Variants in ZNF81 observed in about 807,000 individuals in gnomAD.
ZNF81 encodes the protein zinc finger protein 81 (HFZ20).
A neutral mutation model predicts 32.3 loss-of-function variants in ZNF81; 5 were observed. The observed-to-expected ratio is 0.15, with a 90% CI of 0.08 to 0.33. The LOEUF (loss-of-function observed/expected upper bound fraction) is 0.33. Ranked by LOEUF, ZNF81 falls within the 10% of genes least tolerant of loss-of-function variation. The pLI is 1.00. For missense variants in ZNF81, 379 were observed against 479.8 expected (o/e 0.79, Z 1.96); for synonymous variants, 163 against 166.8 (o/e 0.98, Z 0.17).
rs1368676389 is a variant in ZNF81 at position 47,923,271 on chromosome X, A to C, written c.*6639A>C. Among the ~76,000 whole-genome samples, 2 of 111,401 alleles carry C rather than the reference A, an allele frequency of 1.8e-5. No homozygotes were observed. The highest frequency in any genetic ancestry group is 6.5e-5 in the African/African-American group (2 of 30,570). On this transcript the variant is annotated 3_prime_UTR_variant, in exon 5 of 5. Coordinates refer to ENST00000338637, the MANE Select transcript of ZNF81 (RefSeq NM_007137.5). ...CCCCCTACAACTCTCTGTGCTTGGG[A>C]CACTGAGGTGGGATTTGAGAGCTTG...
rs782727096 is a variant in ZNF81 at position 47,916,344 on chromosome X, G to T, written c.1698G>T (p.Lys566Asn). 3.3e-6 allele frequency: 4 copies of T among 1,211,605 alleles called. No homozygotes were observed. In the South Asian group the frequency reaches 7.0e-5, roughly 21 times the overall value. ...ATTGTGGGAGGGCCTTCATCCAGAA[G>T]TCAGAGTTGATTACACATCAGAGAA... ...CADCGRAFIQ[K>N]SELITHQRIH... The change falls in exon 5 of 5, where the codon AAG (lysine) becomes AAT (asparagine). Residue 566 changes from lysine (K) to asparagine (N), a missense_variant. This residue lies in a region of ZNF81 where 102 missense variants were observed against 173.2 expected (regional missense o/e 0.59). Coordinates refer to ENST00000338637, the MANE Select transcript of ZNF81 (RefSeq NM_007137.5).
intron 2 of ZNF81, among the ~76,000 whole-genome samples, chrX:47,871,099 C>T (rs2058578400): frequency 8.9e-6 from 1 of 111,773 alleles, no homozygotes; most frequent in South Asian, 3.7e-4. Context: ...GTTTTTACAG[C>T]CCTATCAGCA....
intron 2 of ZNF81, among the ~76,000 whole-genome samples, chrX:47,875,455 C>T (rs1437562041): frequency 8.9e-6 from 1 of 112,325 alleles, no homozygotes; most frequent in African/African-American, 3.2e-5. Context: ...GAAAGCCCTG[C>T]AGGCTTTCCC....
intron 2 of ZNF81, among the ~76,000 whole-genome samples, chrX:47,851,865 G>A (rs1485723534): frequency 4.5e-5 from 5 of 112,027 alleles, no homozygotes; most frequent in African/African-American, 1.6e-4. Flanking sequence ...TGCTATTGTT[G>A]TAAAGCCTTA....
Position 47,921,837 on chromosome X carries a change from G to T in ZNF81, c.*5205G>T, listed in dbSNP as rs903029872. On this transcript the variant is annotated 3_prime_UTR_variant, in exon 5 of 5. Coordinates refer to ENST00000338637, the MANE Select transcript of ZNF81 (RefSeq NM_007137.5). ...AGGACCACAGCCAAATAGCTTGACT[G>T]TAAGCCAGATAGCTTGACTCATGAG... is the stretch of plus-strand genomic sequence containing the variant. 4 of 111,481 alleles carry T rather than the reference G, an allele frequency of 3.6e-5. 1 individual carries two copies. In the Admixed American group the frequency reaches 3.8e-4, roughly 11 times the overall value. 9.2% of individuals were successfully genotyped at this position (111,481 alleles called of 1,213,427 possible). A position where few individuals can be genotyped will look rare whatever the true frequency, so the allele number is the denominator to read the frequency against.
chrX:47,883,624 T>C (rs191164347), intron 2 of ZNF81, among the ~76,000 whole-genome samples: 113 of 112,601 alleles, frequency 1.0e-3, no homozygotes, highest in African/African-American at 3.6e-3. Context: ...GTAATTCCTT[T>C]CTTTTACTTC....
chrX:47,922,133 A>G lies in ZNF81; in HGVS notation c.*5501A>G, dbSNP rs2058779112. On this transcript the variant is annotated 3_prime_UTR_variant, in exon 5 of 5. Transcript: ENST00000338637. ...AACCCAGCAAAAAGCTAACTGATAC[A>G]TTGATTATTTATTGCATTTCTTCCT... 8.9e-6 allele frequency: 1 copy of G among 111,995 alleles called. No individual in the cohort carries two copies. The highest frequency in any genetic ancestry group is 9.4e-5 in the Admixed American group (1 of 10,600). The allele number at this position is 111,995 out of a possible 1,213,427, so 9.2% of individuals were successfully genotyped here.
chrX:47,872,342 T>C (rs2058583512), intron 2 of ZNF81, among the ~76,000 whole-genome samples: 1 of 111,959 alleles, frequency 8.9e-6, no homozygotes, highest in African/African-American at 3.2e-5. Context: ...TTCTTCAGTT[T>C]TAGAGGCTAC....
At position 47,921,237 on chromosome X, in the gene ZNF81, G is replaced by A. The variant is rs1556891865; in HGVS notation, c.*4605G>A. 1 of 110,565 alleles carries A rather than the reference G, an allele frequency of 9.0e-6. No homozygotes were observed. The highest frequency in any genetic ancestry group is 1.9e-5 in the Non-Finnish European group (1 of 52,975). 9.1% of individuals were successfully genotyped at this position (110,565 alleles called of 1,213,427 possible). On this transcript the variant is annotated 3_prime_UTR_variant, in exon 5 of 5. Transcript: ENST00000338637. ...GCTTGGCTATTTTGTTGGCCAATGG[G>A]ACATTAACAAGTATGATACAAGCAG...
chrX:47,854,802 G>C (rs142335964), intron 2 of ZNF81, among the ~76,000 whole-genome samples: 288 of 111,828 alleles, frequency 2.6e-3, no homozygotes, highest in African/African-American at 8.8e-3. Flanking sequence ...TACCATAACA[G>C]ATATAATAAT....
chrX:47,885,154 G>A (rs781913679), intron 2 of ZNF81, among the ~76,000 whole-genome samples: 3 of 112,159 alleles, frequency 2.7e-5, no homozygotes, highest in Non-Finnish European at 3.8e-5. Context: ...GTGGTCACTT[G>A]AATCACCATT....
intron 3 of ZNF81, among the ~76,000 whole-genome samples, chrX:47,888,361 C>T (rs146837533): frequency 0.02 from 2,253 of 110,644 alleles, 25 homozygotes; most frequent in Non-Finnish European, 0.032. Context: ...TATACACATA[C>T]GCACGCACAC....
intron 1 of ZNF81, among the ~76,000 whole-genome samples, chrX:47,839,883 AG>A (rs2058439688): frequency 9.1e-6 from 1 of 109,939 alleles, no homozygotes; most frequent in Non-Finnish European, 1.9e-5. Flanking sequence ...CTTGGAATGC[AG>A]CCCAACACAA....
chrX:47,920,509 A>T lies in ZNF81; in HGVS notation c.*3877A>T, dbSNP rs1436674224. 1 of 110,065 alleles carries T rather than the reference A, an allele frequency of 9.1e-6. No individual in the cohort carries two copies. Among genetic ancestry groups the T allele is most frequent in the Non-Finnish European group, 1.9e-5 (1 of 52,710 alleles). 9.1% of individuals were successfully genotyped at this position (110,065 alleles called of 1,213,427 possible). On this transcript the variant is annotated 3_prime_UTR_variant, in exon 5 of 5. Coordinates refer to ENST00000338637, the MANE Select transcript of ZNF81 (RefSeq NM_007137.5). ...GCCCAGGATGATTTCCTGCCCTTTTATCATGGGTGGAATTTTTTTTTCCAT... is the reference window on the plus strand; with the variant it reads ...GCCCAGGATGATTTCCTGCCCTTTTTTCATGGGTGGAATTTTTTTTTCCAT...
chrX:47,891,193 A>G (rs1301214647), intron 3 of ZNF81, among the ~76,000 whole-genome samples: 3 of 112,905 alleles, frequency 2.7e-5, no homozygotes, highest in Admixed American at 9.3e-5. Flanking sequence ...ACTAACAAGT[A>G]TCACAAAAAA....
At chrX:47,913,921 C>T (rs930081570) in intron 4 of ZNF81, among the ~76,000 whole-genome samples, 1 of 111,444 alleles carries the variant, frequency 9.0e-6, no homozygotes, top group Non-Finnish European at 1.9e-5. Flanking sequence ...AGGGTTCTCA[C>T]TCTTAAACAC....
In ZNF81 at chrX:47,915,635, A is replaced by G. The variant is rs1165504400; in HGVS notation, c.989A>G (p.Tyr330Cys). 1.7e-6 allele frequency: 2 copies of G among 1,210,414 alleles called. No individual in the cohort carries two copies. The highest frequency in any genetic ancestry group is 2.2e-6 in the Non-Finnish European group (2 of 894,637). Residue 330 changes from tyrosine (Y) to cysteine (C), a missense_variant, in exon 5 of 5, where the codon TAC becomes TGC. Tyr to Cys is a radical substitution (Grantham distance 194). Coordinates refer to ENST00000338637, the MANE Select transcript of ZNF81 (RefSeq NM_007137.5). ...YLRVHRDEKL[Y>C]ICTKCGKAFI... ...AGAGTTCATAGAGATGAAAAACTCT[A>G]CATATGTACTAAATGTGGGAAGGCC...
chrX:47,873,028 C>G (rs1376650105), intron 2 of ZNF81, among the ~76,000 whole-genome samples: 1 of 111,627 alleles, frequency 9.0e-6, no homozygotes, highest in Non-Finnish European at 1.9e-5. Context: ...ACCTAGTAAC[C>G]AGATCAGGTG....
intron 2 of ZNF81, among the ~76,000 whole-genome samples, chrX:47,867,753 C>T (rs981194730): frequency 2.7e-5 from 3 of 109,148 alleles, no homozygotes; most frequent in Non-Finnish European, 3.8e-5. Context: ...TGGTGTTGTC[C>T]GTATTGCTTG....
Sources: allele counts gnomAD v4.1 joint callset (sites outside exome capture counted in the v4.1 genomes callset), GRCh38; gene constraint gnomAD v4.1.1; regional missense constraint gnomAD v4.1.1; transcripts MANE v1.5; gene names NCBI Gene and HGNC (gene_info 2026-07-23, HGNC 2026-07-21).